Variants in RBFOX1 observed in about 807,000 individuals in gnomAD.
The protein encoded by RBFOX1 is RNA binding protein fox-1 homolog 1.
Under a neutral mutation model 57.7 loss-of-function variants are expected in RBFOX1, and 8 were observed. That is an observed-to-expected ratio of 0.14 (90% CI 0.08 to 0.25). The LOEUF is 0.25. Among genes scored for constraint, RBFOX1 ranks in the 10% least tolerant of loss-of-function variants. The probability of loss-of-function intolerance (pLI) is 1.00; values close to 1 mark genes in which losing one functional copy is unlikely to be tolerated. For synonymous variants in RBFOX1, 326 were observed against 222.4 expected, an observed-to-expected ratio of 1.47 and a Z score of -4.15; for missense variants, 611 against 548.5, an observed-to-expected ratio of 1.11 and a Z score of -1.14.
intron 3 of RBFOX1, among the ~76,000 whole-genome samples, chr16:6,925,016 C>G (rs1408566114): frequency 5.4e-5 from 8 of 147,696 alleles, no homozygotes; most frequent in Non-Finnish European, 1.0e-4. Flanking sequence ...AGGACATGAA[C>G]TCATCATTTT....
chr16:5,571,021 C>T (rs766858474), intron 2 of RBFOX1, among the ~76,000 whole-genome samples: 1 of 151,990 alleles, frequency 6.6e-6, no homozygotes, highest in Non-Finnish European at 1.5e-5. Flanking sequence ...CTCTCATATA[C>T]ACAATCTCTT....
At chr16:6,905,116 A>G (rs2069503814) in intron 3 of RBFOX1, among the ~76,000 whole-genome samples, 2 of 152,144 alleles carry the variant, frequency 1.3e-5, no homozygotes, top group South Asian at 4.1e-4. Flanking sequence ...AAATCCAAAA[A>G]GACTGTTTTG....
At chr16:6,895,985 C>T (rs1161900354) in intron 3 of RBFOX1, among the ~76,000 whole-genome samples, 2 of 151,906 alleles carry the variant, frequency 1.3e-5, no homozygotes, top group African/African-American at 2.4e-5. Flanking sequence ...TACAGGCATG[C>T]TGTGTGAAAT....
intron 1 of RBFOX1, among the ~76,000 whole-genome samples, chr16:6,072,014 C>A (rs770909995): frequency 4.6e-5 from 7 of 152,070 alleles, no homozygotes; most frequent in African/African-American, 1.7e-4. Context: ...AAAGACATAC[C>A]CAAGACTGGG....
intron 3 of RBFOX1, among the ~76,000 whole-genome samples, chr16:5,671,247 G>C (rs1169112122): frequency 6.6e-6 from 1 of 152,218 alleles, no homozygotes; most frequent in Non-Finnish European, 1.5e-5. Flanking sequence ...GAATAAAAGA[G>C]CTGGGAGTGC....
chr16:6,011,372 TG>T (rs1435615927), intron 4 of RBFOX1, among the ~76,000 whole-genome samples: 3 of 152,152 alleles, frequency 2.0e-5, no homozygotes, highest in African/African-American at 7.2e-5. Context: ...ATTTACAGAG[TG>T]TTTTTTTTTT....
At chr16:6,365,245 G>A (rs181817280) in intron 2 of RBFOX1, among the ~76,000 whole-genome samples, 29 of 152,188 alleles carry the variant, frequency 1.9e-4, no homozygotes, top group Admixed American at 1.8e-3. Context: ...GATGGATAGA[G>A]GGACAGATGG....
At chr16:6,816,005 C>G (rs144604376) in intron 3 of RBFOX1, among the ~76,000 whole-genome samples, 1 of 152,072 alleles carries the variant, frequency 6.6e-6, no homozygotes, top group South Asian at 2.1e-4. Context: ...TTCTTTCTGC[C>G]TATTGTACCA....
intron 1 of RBFOX1, among the ~76,000 whole-genome samples, chr16:6,129,456 G>A (rs12928070): frequency 0.056 from 8,506 of 152,084 alleles, 367 homozygotes; most frequent in African/African-American, 0.11. Context: ...AGACAGAACA[G>A]AAAATTATTC....
intron 1 of RBFOX1, among the ~76,000 whole-genome samples, chr16:6,109,361 T>C (rs561862603): frequency 3.7e-4 from 56 of 152,346 alleles, no homozygotes; most frequent in Middle Eastern, 3.4e-3. Flanking sequence ...AAATGATCTG[T>C]GGTAAATTCC....
intron 3 of RBFOX1, among the ~76,000 whole-genome samples, chr16:7,016,520 C>T (rs1337403284): frequency 1.3e-5 from 2 of 152,160 alleles, no homozygotes; most frequent in East Asian, 1.9e-4. Context: ...GTGTATTCAG[C>T]ACACCTATGT....
chr16:5,883,997 G>T (rs934533652), intron 4 of RBFOX1, among the ~76,000 whole-genome samples: 4 of 152,168 alleles, frequency 2.6e-5, no homozygotes, highest in African/African-American at 9.7e-5. Context: ...CATTGACTTG[G>T]ATGTGATTTC....
chr16:5,858,340 T>A (rs2057123532), intron 3 of RBFOX1, among the ~76,000 whole-genome samples: 2 of 152,228 alleles, frequency 1.3e-5, no homozygotes, highest in African/African-American at 2.4e-5. Flanking sequence ...CCCCGTGTTT[T>A]CTACCATGTG....
At chr16:6,361,338 A>C (rs2088472180) in intron 2 of RBFOX1, among the ~76,000 whole-genome samples, 1 of 152,120 alleles carries the variant, frequency 6.6e-6, no homozygotes, top group Non-Finnish European at 1.5e-5. Context: ...CTGAGAAAAG[A>C]TCATGGCTGG....
intron 3 of RBFOX1, among the ~76,000 whole-genome samples, chr16:5,862,753 GT>G (rs1567641014): frequency 6.6e-6 from 1 of 152,062 alleles, no homozygotes; most frequent in East Asian, 1.9e-4. Flanking sequence ...ATTTTGAGTT[GT>G]TTTTGTGTCA....
intron 1 of RBFOX1, among the ~76,000 whole-genome samples, chr16:5,416,572 G>A (rs968941779): frequency 1.1e-4 from 16 of 152,160 alleles, no homozygotes; most frequent in Admixed American, 5.9e-4. Flanking sequence ...TTGACACCTT[G>A]TAAAAAATTT....
At chr16:7,683,033 T>TATATAA (rs374375329) in intron 14 of RBFOX1, among the ~76,000 whole-genome samples, 28 of 25,820 alleles carry the variant, frequency 1.1e-3, no homozygotes, top group African/African-American at 2.3e-3. Flanking sequence ...TATATATATA[T>TATATAA]AAAACAGTGC....
chr16:5,407,423 G>C (rs956345662), intron 1 of RBFOX1, among the ~76,000 whole-genome samples: 1 of 152,166 alleles, frequency 6.6e-6, no homozygotes, highest in Non-Finnish European at 1.5e-5. Flanking sequence ...AACAAGAGCA[G>C]AGGCCCTGTG....
intron 2 of RBFOX1, among the ~76,000 whole-genome samples, chr16:6,384,393 C>T (rs2092092811): frequency 1.3e-5 from 2 of 152,156 alleles, no homozygotes; most frequent in Non-Finnish European, 2.9e-5. Context: ...TTCAATTCAG[C>T]TAGATTCTGC....
Sources: allele counts gnomAD v4.1 joint callset (sites outside exome capture counted in the v4.1 genomes callset), GRCh38; gene constraint gnomAD v4.1.1; transcripts MANE v1.5; gene names NCBI Gene and HGNC (gene_info 2026-07-23, HGNC 2026-07-21).